TMEM45B: variants seen among roughly 807,000 people sequenced by gnomAD.
The protein encoded by TMEM45B is transmembrane protein 45B.
In TMEM45B, 29 loss-of-function variants were observed where a neutral mutation model predicts 27.3. That is an observed-to-expected ratio of 1.06 (90% CI 0.79 to 1.45). The LOEUF (loss-of-function observed/expected upper bound fraction) is 1.45. Among genes scored for constraint, TMEM45B ranks in the 40% most tolerant of loss-of-function variants. TMEM45B has a pLI of 0.00. For missense variants in TMEM45B, 348 were observed against 343.9 expected, an observed-to-expected ratio of 1.01 and a Z score of -0.09; for synonymous variants, 143 against 134.7, an observed-to-expected ratio of 1.06 and a Z score of -0.43.
At chr11:129,819,464 C>T (rs146459015) in intron 1 of TMEM45B, among the ~76,000 whole-genome samples, 2 of 152,290 alleles carry the variant, frequency 1.3e-5, no homozygotes, top group African/African-American at 2.4e-5. Context: ...TACTCACTTC[C>T]GCAAGTTGCA....
At position 129,858,565 on chromosome 11, in the gene TMEM45B, C is replaced by T. The variant is rs770194619; in HGVS notation, c.717-9C>T. The stretch of plus-strand genomic sequence containing the variant: ...TGGCTAATTGGCTCTTACTCTTTCT[C>T]TATTAAAGCCTTTTGACTCGGATGA... On this transcript the variant is annotated splice_polypyrimidine_tract_variant and intron_variant, in intron 5 of 5. Coordinates refer to ENST00000281441, the MANE Select transcript of TMEM45B (RefSeq NM_138788.5). The T allele has an allele frequency of 6.4e-7, 1 of 1,571,592 alleles. No homozygotes were observed. Among genetic ancestry groups the T allele is most frequent in the Admixed American group, 1.9e-5 (1 of 53,526 alleles).
chr11:129,819,796 T>G (rs1211428529), intron 1 of TMEM45B, among the ~76,000 whole-genome samples: 1 of 151,660 alleles, frequency 6.6e-6, no homozygotes, highest in Non-Finnish European at 1.5e-5. Context: ...CCCTGTGATC[T>G]GCCCCCCTCG....
At position 129,858,700 on chromosome 11, in the gene TMEM45B, G is replaced by C; in HGVS notation, c.*15G>C. ...ATGAGGAATGAGCCGAGATGCGGAG[G>C]GCGCAGATGTCCCACTGCACAGCTG... On this transcript the variant is annotated 3_prime_UTR_variant, in exon 6 of 6. Coordinates refer to ENST00000281441, the MANE Select transcript of TMEM45B (RefSeq NM_138788.5). 2 of 1,533,016 alleles carry C rather than the reference G, an allele frequency of 1.3e-6. No homozygotes were observed. Among genetic ancestry groups the C allele is most frequent in the Non-Finnish European group, 1.8e-6 (2 of 1,129,986 alleles). 95.0% of individuals were successfully genotyped at this position (1,533,016 alleles called of 1,614,324 possible).
chr11:129,823,302 T>C (rs370690207), intron 1 of TMEM45B, among the ~76,000 whole-genome samples: 74 of 152,262 alleles, frequency 4.9e-4, no homozygotes, highest in African/African-American at 1.7e-3. Context: ...AAGTTTTAGA[T>C]CACGTGAAGG....
At chr11:129,837,304 G>T (rs1359191588) in intron 1 of TMEM45B, among the ~76,000 whole-genome samples, 2 of 150,900 alleles carry the variant, frequency 1.3e-5, no homozygotes, top group East Asian at 3.9e-4. Context: ...TTTTTGTTTT[G>T]AGACGGAGTC....
chr11:129,853,485 T>A (rs1565373332), intron 2 of TMEM45B, among the ~76,000 whole-genome samples: 1 of 152,224 alleles, frequency 6.6e-6, no homozygotes, highest in Non-Finnish European at 1.5e-5. Context: ...CCACTCACCA[T>A]TCAGGCATCA....
chr11:129,839,471 T>TA (rs915438792), intron 1 of TMEM45B, among the ~76,000 whole-genome samples: 12 of 152,006 alleles, frequency 7.9e-5, no homozygotes, highest in African/African-American at 1.7e-4. Context: ...ATGTGAAATT[T>TA]AAAAAAAAGG....
chr11:129,826,227 GGA>G (rs1329589617), intron 1 of TMEM45B, among the ~76,000 whole-genome samples: 1 of 152,078 alleles, frequency 6.6e-6, no homozygotes, highest in Non-Finnish European at 1.5e-5. Context: ...GAAGAGCCAT[GGA>G]GAGTCCCTCT....
At chr11:129,858,459 G>A in intron 5 of TMEM45B, 115 bp from the exon 6 acceptor site, 1 of 654,898 alleles carries the variant, frequency 1.5e-6, no homozygotes, top group African/African-American at 1.8e-5. Flanking sequence ...TGTAATCACA[G>A]TATTTGATAG....
At chr11:129,853,817 G>C (rs1485442591) in intron 2 of TMEM45B, among the ~76,000 whole-genome samples, 1 of 152,190 alleles carries the variant, frequency 6.6e-6, no homozygotes, top group African/African-American at 2.4e-5. Context: ...TGAGAAACAA[G>C]TATCTGGGAA....
At chr11:129,834,829 A>G (rs147317228) in intron 1 of TMEM45B, among the ~76,000 whole-genome samples, 167 of 143,418 alleles carry the variant, frequency 1.2e-3, no homozygotes, top group Middle Eastern at 3.7e-3. Context: ...AAAAAAAAAA[A>G]AGAGAGAGAA....
At chr11:129,854,049 G>A (rs1236464183) in intron 2 of TMEM45B, among the ~76,000 whole-genome samples, 2 of 152,184 alleles carry the variant, frequency 1.3e-5, no homozygotes, top group African/African-American at 4.8e-5. Flanking sequence ...CAGCTGGGAG[G>A]GGCGCAGGGC....
chr11:129,849,666 G>A (rs1399792482), intron 1 of TMEM45B, among the ~76,000 whole-genome samples: 1 of 152,184 alleles, frequency 6.6e-6, no homozygotes, highest in Non-Finnish European at 1.5e-5. Flanking sequence ...TATAACTTGC[G>A]CCCTCTGGAG....
chr11:129,839,272 G>A (rs1026396995), intron 1 of TMEM45B, among the ~76,000 whole-genome samples: 2 of 152,062 alleles, frequency 1.3e-5, no homozygotes, highest in Admixed American at 1.3e-4. Flanking sequence ...GATCAGCTGG[G>A]GATTTAATAG....
chr11:129,831,692 A>G (rs1947548582), intron 1 of TMEM45B, among the ~76,000 whole-genome samples: 1 of 152,234 alleles, frequency 6.6e-6, no homozygotes, highest in Non-Finnish European at 1.5e-5. Context: ...CATTATTCAT[A>G]ACAATTCAAA....
chr11:129,835,302 C>T (rs529663503), intron 1 of TMEM45B, among the ~76,000 whole-genome samples: 1 of 152,318 alleles, frequency 6.6e-6, no homozygotes, highest in African/African-American at 2.4e-5. Flanking sequence ...CAATGTGATG[C>T]ATGGATACAG....
intron 1 of TMEM45B, among the ~76,000 whole-genome samples, chr11:129,847,880 G>A (rs199984535): frequency 1.2e-3 from 176 of 151,866 alleles, no homozygotes; most frequent in Admixed American, 9.2e-3. Flanking sequence ...ATCATGGCCC[G>A]TTCTCAATGA....
At chr11:129,842,337 AAG>A (rs1371884197) in intron 1 of TMEM45B, among the ~76,000 whole-genome samples, 1 of 152,204 alleles carries the variant, frequency 6.6e-6, no homozygotes, top group African/African-American at 2.4e-5. Flanking sequence ...AAAAAACACA[AAG>A]AGAACCACAC....
intron 5 of TMEM45B, among the ~76,000 whole-genome samples, chr11:129,857,917 C>T (rs691943): frequency 0.76 from 115,722 of 152,174 alleles, 44,638 homozygotes; most frequent in African/African-American, 0.9. Flanking sequence ...TAGAGGTATA[C>T]AGATAACAGC....
Sources: allele counts gnomAD v4.1 joint callset (sites outside exome capture counted in the v4.1 genomes callset), GRCh38; gene constraint gnomAD v4.1.1; transcripts MANE v1.5; gene names NCBI Gene and HGNC (gene_info 2026-07-23, HGNC 2026-07-21).